LAMA3: variants seen among roughly 807,000 people sequenced by gnomAD.
The protein encoded by LAMA3 is laminin subunit alpha-3.
A neutral mutation model predicts 402.0 loss-of-function variants in LAMA3; 281 were observed. The observed-to-expected ratio is 0.70, with a 90% CI of 0.63 to 0.77. The LOEUF (loss-of-function observed/expected upper bound fraction) is 0.77, where lower values mean the gene tolerates loss of function less well. Among genes scored for constraint, LAMA3 ranks in the 30% least tolerant of loss-of-function variants. The pLI is 0.00. For missense variants in LAMA3, 3,840 were observed against 4,215.5 expected (o/e 0.91, Z 2.47); for synonymous variants, 1,431 against 1,558.4 (o/e 0.92, Z 1.93).
intron 32 of LAMA3, 118 bp from the exon 33 acceptor site, chr18:23,857,726 A>G (rs2064116534): frequency 1.6e-6 from 2 of 1,253,436 alleles, no homozygotes; most frequent in East Asian, 4.6e-5. Context: ...GACTATAAGC[A>G]GGCATTGTAT....
chr18:23,837,051 G>C lies in LAMA3; in HGVS notation c.3055G>C (p.Asp1019His). ...IAMYELLADA[D>H]IQLKGHMARF... is the part of the protein sequence containing the mutation. ...CATGTATGAGCTATTGGCAGATGCA[G>C]ACATTCAGCTCAAGGGACACATGGC... The change falls in exon 25 of 75, where the codon GAC (aspartate) becomes CAC (histidine). Residue 1019 changes from aspartate to histidine, a missense_variant. Coordinates refer to ENST00000313654, the MANE Select transcript of LAMA3 (RefSeq NM_198129.4). 1 of 1,613,882 alleles carries C rather than the reference G, an allele frequency of 6.2e-7. No homozygotes were observed.
intron 8 of LAMA3, among the ~76,000 whole-genome samples, chr18:23,770,578 G>C (rs182484715): frequency 6.6e-6 from 1 of 152,064 alleles, no homozygotes; most frequent in Admixed American, 6.6e-5. Context: ...TGGCTAATAC[G>C]GTGAAACCCT....
intron 17 of LAMA3, among the ~76,000 whole-genome samples, chr18:23,816,040 C>G (rs2063169147): frequency 6.6e-6 from 1 of 152,168 alleles, no homozygotes; most frequent in South Asian, 2.1e-4. Context: ...CGCGTTTACT[C>G]CTGGGCTGCT....
At chr18:23,723,442 A>G (rs1228686804) in intron 2 of LAMA3, among the ~76,000 whole-genome samples, 1 of 152,236 alleles carries the variant, frequency 6.6e-6, no homozygotes, top group Admixed American at 6.5e-5. Flanking sequence ...TGGTGAAGAA[A>G]CAGACCAAAA....
At chr18:23,933,672 C>A in intron 66 of LAMA3, 110 bp from the exon 67 acceptor site, 1 of 1,169,736 alleles carries the variant, frequency 8.5e-7, no homozygotes, top group Non-Finnish European at 1.3e-6. Flanking sequence ...ATTAACCAAC[C>A]CCTCTTCATC....
At chr18:23,865,953 C>T (rs1378977846) in intron 36 of LAMA3, among the ~76,000 whole-genome samples, 1 of 152,204 alleles carries the variant, frequency 6.6e-6, no homozygotes, top group East Asian at 1.9e-4. Context: ...TTGCCTCAGC[C>T]TCCTGAGTAG....
rs2065016773 is a variant in LAMA3 at position 23,884,812 on chromosome 18, G to C, written c.5262G>C (p.Arg1754=). Residue 1754 remains arginine, a synonymous_variant, in exon 41 of 75, where the codon CGG becomes CGC. Coordinates refer to ENST00000313654, the MANE Select transcript of LAMA3 (RefSeq NM_198129.4). ...GTGTGGTGAATGGGGGAGACGTGCG[G>C]TGCTCCTGCAAAGCTGGGTACACAG... ...TGCVVNGGDV[R]CSCKAGYTGT... The C allele has an allele frequency of 1.2e-6, 2 of 1,613,920 alleles. No individual in the cohort carries two copies. Among genetic ancestry groups the C allele is most frequent in the Non-Finnish European group, 1.7e-6 (2 of 1,179,944 alleles).
chr18:23,822,329 T>C lies in LAMA3; in HGVS notation c.2382T>C (p.Pro794=), dbSNP rs1252366888. The C allele has an allele frequency of 3.1e-6, 5 of 1,613,812 alleles. No homozygotes were observed. Among genetic ancestry groups the C allele is most frequent in the African/African-American group, 2.7e-5 (2 of 74,932 alleles). The change falls in exon 20 of 75, where the codon CCT becomes CCC. Residue 794 remains proline, a synonymous_variant. Coordinates refer to ENST00000313654, the MANE Select transcript of LAMA3 (RefSeq NM_198129.4). ...GTGTTATTCTGAGATACGTTAACCC[T>C]GGAACTGAAGCAGTATCTGGCCATA... ...LFRVILRYVN[P]GTEAVSGHIT... is the part of the protein sequence containing the mutation.
Position 23,689,577 on chromosome 18 carries a change from G to A in LAMA3, c.-107G>A. 9.1e-7 allele frequency: 1 copy of A among 1,100,650 alleles called. No individual in the cohort carries two copies. Among genetic ancestry groups the A allele is most frequent in the Non-Finnish European group, 1.1e-6 (1 of 872,846 alleles). 68.2% of individuals were successfully genotyped at this position (1,100,650 alleles called of 1,614,324 possible). ...CGGCCCCGGCGCCGCCCATATCCCC[G>A]GCTGCGCTAGTCCTGGCGCTGCAGG... is the stretch of plus-strand genomic sequence containing the variant. On this transcript the variant is annotated 5_prime_UTR_variant, in exon 1 of 75. Transcript: ENST00000313654.
chr18:23,908,746 T>G (rs1269889674), intron 54 of LAMA3, among the ~76,000 whole-genome samples: 3 of 152,050 alleles, frequency 2.0e-5, no homozygotes, highest in South Asian at 2.1e-4. Flanking sequence ...AAACCCTATA[T>G]ATACTATGTT....
At chr18:23,887,347 G>A (rs958857446) in intron 41 of LAMA3, among the ~76,000 whole-genome samples, 4 of 152,122 alleles carry the variant, frequency 2.6e-5, no homozygotes, top group African/African-American at 9.7e-5. Flanking sequence ...AGGTTTAAAA[G>A]CCACAGGGGA....
At chr18:23,721,696 C>G (rs1349036930) in intron 2 of LAMA3, among the ~76,000 whole-genome samples, 1 of 152,182 alleles carries the variant, frequency 6.6e-6, no homozygotes, top group African/African-American at 2.4e-5. Context: ...CGTATTATCT[C>G]TGGAGTCTGG....
chr18:23,831,147 C>T (rs1162518254), intron 23 of LAMA3, among the ~76,000 whole-genome samples: 1 of 152,168 alleles, frequency 6.6e-6, no homozygotes. Flanking sequence ...TAGAAGCCTC[C>T]TAACTAGCTG....
At chr18:23,939,457 G>A in intron 68 of LAMA3, 71 bp downstream of exon 68, 2 of 1,455,074 alleles carry the variant, frequency 1.4e-6, no homozygotes, top group Non-Finnish European at 1.9e-6. Context: ...AGGGAAGTCT[G>A]ACTGCCATGA....
At chr18:23,790,728 C>G (rs1244721482) in intron 12 of LAMA3, among the ~76,000 whole-genome samples, 2 of 152,074 alleles carry the variant, frequency 1.3e-5, no homozygotes, top group Non-Finnish European at 2.9e-5. Flanking sequence ...ATCCATTTTC[C>G]CCATGAAGAT....
At chr18:23,797,640 G>A (rs771551491) in intron 12 of LAMA3, among the ~76,000 whole-genome samples, 24 of 152,050 alleles carry the variant, frequency 1.6e-4, no homozygotes, top group Non-Finnish European at 3.2e-4. Context: ...GCATGATCCC[G>A]GGAGGCAGAG....
Position 23,696,122 on chromosome 18 carries a change from T to G in LAMA3, c.294+6145T>G, listed in dbSNP as rs548479909. Reference sequence around the variant, plus strand: ...GACTAAATATTGCCAAACATTTGTGTGCATGAAAGACATTGGTGGCAAAGA... The same window carrying G: ...GACTAAATATTGCCAAACATTTGTGGGCATGAAAGACATTGGTGGCAAAGA... On this transcript the variant is annotated intron_variant, in intron 1 of 74. Coordinates refer to ENST00000313654, the MANE Select transcript of LAMA3 (RefSeq NM_198129.4). Among the ~76,000 whole-genome samples the G allele has an allele frequency of 1.2e-4, 18 of 152,326 alleles. No individual in the cohort carries two copies. The South Asian group carries it at 3.3e-3, about 28-fold the overall frequency.
At chr18:23,886,677 A>G (rs2065084924) in intron 41 of LAMA3, among the ~76,000 whole-genome samples, 2 of 152,198 alleles carry the variant, frequency 1.3e-5, no homozygotes, top group Admixed American at 6.5e-5. Context: ...TTTAATTTAC[A>G]TTGTTTTGTT....
intron 12 of LAMA3, among the ~76,000 whole-genome samples, chr18:23,806,496 G>A (rs2062964938): frequency 3.9e-5 from 6 of 152,112 alleles, no homozygotes; most frequent in Non-Finnish European, 2.9e-5. Flanking sequence ...CTCAGGGGAG[G>A]CCATTACAGT....
Sources: allele counts gnomAD v4.1 joint callset (sites outside exome capture counted in the v4.1 genomes callset), GRCh38; gene constraint gnomAD v4.1.1; transcripts MANE v1.5; gene names NCBI Gene and HGNC (gene_info 2026-07-23, HGNC 2026-07-21).